Variants in IPO7 observed in about 807,000 individuals in gnomAD.
IPO7 encodes the protein importin-7.
IPO7 carries 13 observed loss-of-function variants against 136.4 expected under a neutral mutation model. The observed-to-expected ratio is 0.10, with a 90% CI of 0.06 to 0.15. The LOEUF (loss-of-function observed/expected upper bound fraction) is 0.15. IPO7 is among the 10% of genes least tolerant of loss of function. The probability of loss-of-function intolerance (pLI) is 1.00; values close to 1 mark genes in which losing one functional copy is unlikely to be tolerated. For synonymous variants in IPO7, 403 were observed against 404.4 expected (o/e 1.00, Z 0.04); for missense variants, 857 against 1,240.6 (o/e 0.69, Z 4.65).
chr11:9,403,467 T>A, intron 2 of IPO7, 96 bp downstream of exon 2: 1 of 868,912 alleles, frequency 1.2e-6, no homozygotes, highest in South Asian at 1.6e-5. Flanking sequence ...CTTTGGCAAT[T>A]TTTTCCCCCC....
At chr11:9,444,930 C>G (rs891598728) in intron 24 of IPO7, among the ~76,000 whole-genome samples, 167 bp from the exon 25 acceptor site, 4 of 151,598 alleles carry the variant, frequency 2.6e-5, no homozygotes, top group Non-Finnish European at 5.9e-5. Flanking sequence ...ATTATATTCT[C>G]TACATAATGC....
intron 1 of IPO7, among the ~76,000 whole-genome samples, chr11:9,388,095 C>T (rs545364078): frequency 2.8e-3 from 418 of 149,262 alleles, no homozygotes; most frequent in Admixed American, 6.7e-3. Context: ...TGCGGTGAGC[C>T]GAGATCGTAC....
intron 10 of IPO7, 81 bp from the exon 11 acceptor site, chr11:9,424,833 T>C: frequency 2.2e-6 from 2 of 891,168 alleles, no homozygotes; most frequent in Non-Finnish European, 3.6e-6. Context: ...TTTCATACCT[T>C]ATGTAAAGAT....
chr11:9,443,591 CA>C (rs55819044), intron 24 of IPO7, among the ~76,000 whole-genome samples: 2,105 of 69,418 alleles, frequency 0.03, 35 homozygotes, highest in African/African-American at 0.084. Context: ...AACTCCGTCT[CA>C]AAAAAAAAAA....
intron 1 of IPO7, among the ~76,000 whole-genome samples, chr11:9,394,271 G>C (rs901190626): frequency 6.6e-6 from 1 of 152,178 alleles, no homozygotes; most frequent in Non-Finnish European, 1.5e-5. Flanking sequence ...TAGTAAGGGG[G>C]CAGGGATAAG....
chr11:9,387,513 A>C (rs1347452350), intron 1 of IPO7, among the ~76,000 whole-genome samples: 1 of 152,146 alleles, frequency 6.6e-6, no homozygotes, highest in Non-Finnish European at 1.5e-5. Flanking sequence ...CTGATTTGTC[A>C]TACATATTTG....
At chr11:9,402,358 C>T (rs1854810118) in intron 1 of IPO7, among the ~76,000 whole-genome samples, 1 of 136,228 alleles carries the variant, frequency 7.3e-6, no homozygotes, top group Non-Finnish European at 1.5e-5. Context: ...CGAGATCATG[C>T]CACTGCACTC....
intron 2 of IPO7, among the ~76,000 whole-genome samples, chr11:9,404,714 C>T (rs1426071042): frequency 2.6e-5 from 4 of 151,438 alleles, no homozygotes; most frequent in Admixed American, 6.6e-5. Context: ...CACAGGCGCC[C>T]GCCACCACAC....
intron 24 of IPO7, among the ~76,000 whole-genome samples, chr11:9,443,963 T>C (rs1344552324): frequency 4.0e-5 from 6 of 150,998 alleles, no homozygotes; most frequent in Non-Finnish European, 7.4e-5. Context: ...TTTAAATGTT[T>C]CAGTGTGCAA....
chr11:9,444,242 C>T (rs1475870068), intron 24 of IPO7, among the ~76,000 whole-genome samples: 1 of 148,370 alleles, frequency 6.7e-6, no homozygotes, highest in Non-Finnish European at 1.5e-5. Context: ...TGCGCCACTG[C>T]ACTCCAGCCT....
At chr11:9,391,062 G>A (rs1366577567) in intron 1 of IPO7, among the ~76,000 whole-genome samples, 2 of 152,222 alleles carry the variant, frequency 1.3e-5, no homozygotes, top group Admixed American at 6.5e-5. Flanking sequence ...GAATCACAGC[G>A]CCCGGCTGCT....
intron 6 of IPO7, among the ~76,000 whole-genome samples, chr11:9,420,088 C>T (rs956614009): frequency 6.6e-6 from 1 of 152,132 alleles, no homozygotes; most frequent in African/African-American, 2.4e-5. Context: ...CTTTGGGAGG[C>T]GGAGGCGGGT....
rs4606477 is a variant in IPO7, at chr11:9,384,802, T to C, written c.39T>C (p.Thr13=). 1 allele frequency: 1,603,718 copies of C among 1,608,080 alleles called. 799,777 individuals are homozygous for C. The highest frequency in any genetic ancestry group is 1 in the East Asian group (44,597 of 44,598). Residue 13 remains threonine (T), a synonymous_variant, in exon 1 of 25, where the codon ACT becomes ACC. Coordinates refer to ENST00000379719, the MANE Select transcript of IPO7 (RefSeq NM_006391.3). ...PNTIIEALRG[T]MDPALREAAE... is the part of the protein sequence containing the mutation. Reference sequence around the variant, plus strand: ...CCATTATCGAGGCCCTGCGGGGCACTATGGACCCAGCCCTGCGTGAGGCCG... The same window carrying C: ...CCATTATCGAGGCCCTGCGGGGCACCATGGACCCAGCCCTGCGTGAGGCCG...
In IPO7 at chr11:9,434,858, C is replaced by A. The variant is rs1345362120; in HGVS notation, c.2075-76C>A. The stretch of plus-strand genomic sequence containing the variant: ...AATGATCTCATAGATTTGCCTTTTT[C>A]TAAGGAAATTTTTCAAAAGCAAAGA... On this transcript the variant is annotated intron_variant, in intron 18 of 24. Coordinates refer to ENST00000379719, the MANE Select transcript of IPO7 (RefSeq NM_006391.3). 8.8e-6 allele frequency: 9 copies of A among 1,021,812 alleles called. No individual in the cohort carries two copies. In the Admixed American group the frequency reaches 1.1e-4, roughly 13 times the overall value. 63.3% of individuals were successfully genotyped at this position (1,021,812 alleles called of 1,614,324 possible).
intron 8 of IPO7, among the ~76,000 whole-genome samples, chr11:9,421,551 C>T (rs1019378827): frequency 1.1e-4 from 17 of 151,100 alleles, no homozygotes; most frequent in African/African-American, 3.4e-4. Context: ...TGGCTTGAAC[C>T]CAGGAGGCAG....
In IPO7 at chr11:9,391,255, C is replaced by T. The variant is rs575127724; in HGVS notation, c.84+6408C>T. ...TCTACTGAAAATATGAAAAATTAGC[C>T]GGGTGTGGTGGTGGGTGCCTGTAAT... is the stretch of plus-strand genomic sequence containing the variant. On this transcript the variant is annotated intron_variant, in intron 1 of 24. Coordinates refer to ENST00000379719, the MANE Select transcript of IPO7 (RefSeq NM_006391.3). Among the ~76,000 whole-genome samples the T allele has an allele frequency of 3.3e-5, 5 of 151,388 alleles. No homozygotes were observed. In the South Asian group the frequency reaches 6.3e-4, roughly 19 times the overall value.
intron 24 of IPO7, among the ~76,000 whole-genome samples, chr11:9,444,342 T>C (rs1365612353): frequency 2.0e-5 from 3 of 151,582 alleles, no homozygotes; most frequent in African/African-American, 7.3e-5. Context: ...AACAATTATC[T>C]ATAGACTTTT....
At chr11:9,417,988 C>T (rs1258368031) in intron 6 of IPO7, among the ~76,000 whole-genome samples, 1 of 151,916 alleles carries the variant, frequency 6.6e-6, no homozygotes, top group African/African-American at 2.4e-5. Flanking sequence ...GCTGGGATTA[C>T]AGGCGTGAGC....
chr11:9,390,807 T>C lies in IPO7; in HGVS notation c.84+5960T>C, dbSNP rs1051343571. Among the ~76,000 whole-genome samples the C allele has an allele frequency of 8.6e-5, 13 of 151,206 alleles. 1 individual carries two copies. The highest frequency in any genetic ancestry group is 2.0e-4 in the Admixed American group (3 of 15,152). On this transcript the variant is annotated intron_variant, in intron 1 of 24. Transcript: ENST00000379719. ...TTTTTTTAGCCAGAGCCTCGCTCTG[T>C]CACCCAGGCTGGAATGCAGTGGCGC...
Sources: allele counts gnomAD v4.1 joint callset (sites outside exome capture counted in the v4.1 genomes callset), GRCh38; gene constraint gnomAD v4.1.1; transcripts MANE v1.5; gene names NCBI Gene and HGNC (gene_info 2026-07-23, HGNC 2026-07-21).